The following SLC9A9 variants were observed in gnomAD, a reference collection of about 807,000 sequenced individuals.
SLC9A9 encodes the protein sodium/hydrogen exchanger 9.
In SLC9A9, 62 loss-of-function variants were observed where a neutral mutation model predicts 77.8. The observed-to-expected ratio is 0.80, with a 90% CI of 0.65 to 0.98. SLC9A9 has a LOEUF of 0.98. Among genes scored for constraint, SLC9A9 ranks in the 50% least tolerant of loss-of-function variants. SLC9A9 has a pLI of 0.00. For missense variants in SLC9A9, 775 were observed against 774.9 expected, an observed-to-expected ratio of 1.00 and a Z score of 0.00; for synonymous variants, 320 against 283.5, an observed-to-expected ratio of 1.13 and a Z score of -1.29.
rs577833118 is a variant in SLC9A9 at position 143,392,905 on chromosome 3, C to G, written c.1470-10791G>C. Among the ~76,000 whole-genome samples the G allele has an allele frequency of 2.0e-5, 3 of 152,082 alleles. No individual in the cohort carries two copies. The South Asian group carries it at 6.2e-4, about 32-fold the overall frequency. ...AATTCAACAACAAGAGCTAACTATCCTAAATATGCACCCAATACAGGAACA... is the reference window on the plus strand; with the variant it reads ...AATTCAACAACAAGAGCTAACTATCGTAAATATGCACCCAATACAGGAACA... On this transcript the variant is annotated intron_variant, in intron 12 of 15. Coordinates refer to ENST00000316549, the MANE Select transcript of SLC9A9 (RefSeq NM_173653.4).
At chr3:143,748,048 G>A (rs772488749) in intron 4 of SLC9A9, among the ~76,000 whole-genome samples, 14 of 152,230 alleles carry the variant, frequency 9.2e-5, no homozygotes, top group Non-Finnish European at 1.5e-4. Context: ...AGCAGCTAGA[G>A]ATCAGGGCAT....
chr3:143,522,704 C>G (rs1326337678), intron 9 of SLC9A9, among the ~76,000 whole-genome samples: 1 of 152,112 alleles, frequency 6.6e-6, no homozygotes, highest in African/African-American at 2.4e-5. Flanking sequence ...ACAGCCAGAC[C>G]TACTAAAGGC....
chr3:143,441,562 A>G (rs1011670289), intron 12 of SLC9A9, among the ~76,000 whole-genome samples: 2 of 152,190 alleles, frequency 1.3e-5, no homozygotes, highest in African/African-American at 2.4e-5. Context: ...TCAAGCATTT[A>G]GGACAACCTA....
At chr3:143,519,677 T>C (rs1164000834) in intron 9 of SLC9A9, among the ~76,000 whole-genome samples, 1 of 152,124 alleles carries the variant, frequency 6.6e-6, no homozygotes, top group Non-Finnish European at 1.5e-5. Context: ...GTTATTGTCA[T>C]AGTCCAAGTG....
chr3:143,718,333 G>A (rs1262680698), intron 4 of SLC9A9, among the ~76,000 whole-genome samples: 5 of 152,156 alleles, frequency 3.3e-5, no homozygotes, highest in African/African-American at 1.2e-4. Context: ...CCCACACACA[G>A]GATTTTGAGA....
intron 9 of SLC9A9, among the ~76,000 whole-genome samples, chr3:143,501,736 A>G (rs2035926962): frequency 6.6e-6 from 1 of 150,972 alleles, no homozygotes; most frequent in South Asian, 2.1e-4. Context: ...TTGTCTATTT[A>G]TATCACGTAA....
intron 14 of SLC9A9, among the ~76,000 whole-genome samples, chr3:143,339,712 G>GA (rs543717236): frequency 6.6e-6 from 1 of 152,118 alleles, no homozygotes; most frequent in Non-Finnish European, 1.5e-5. Context: ...CTATACTCTG[G>GA]AATACTCAAT....
intron 12 of SLC9A9, among the ~76,000 whole-genome samples, chr3:143,436,327 G>T (rs1480942724): frequency 6.6e-6 from 1 of 152,326 alleles, no homozygotes; most frequent in East Asian, 1.9e-4. Context: ...TGAGCCAGAC[G>T]TTGACGGTGA....
chr3:143,361,441 T>G (rs2108482606), intron 14 of SLC9A9, among the ~76,000 whole-genome samples: 1 of 152,302 alleles, frequency 6.6e-6, no homozygotes, highest in East Asian at 1.9e-4. Flanking sequence ...ACACATTGCC[T>G]GGGTTCTGGG....
At chr3:143,513,656 C>A (rs1387755534) in intron 9 of SLC9A9, among the ~76,000 whole-genome samples, 1 of 152,150 alleles carries the variant, frequency 6.6e-6, no homozygotes, top group Non-Finnish European at 1.5e-5. Context: ...CTTTCCATGG[C>A]AGCTATAGCC....
At chr3:143,688,464 G>A (rs1286839144) in intron 5 of SLC9A9, among the ~76,000 whole-genome samples, 2 of 152,084 alleles carry the variant, frequency 1.3e-5, no homozygotes, top group Admixed American at 6.6e-5. Flanking sequence ...TGTGTGCAAA[G>A]GTGATGCAAA....
At chr3:143,660,368 G>A (rs1197956584) in intron 5 of SLC9A9, among the ~76,000 whole-genome samples, 4 of 152,226 alleles carry the variant, frequency 2.6e-5, no homozygotes, top group African/African-American at 9.6e-5. Flanking sequence ...GAGCCAGAGA[G>A]AGAAAAACCT....
intron 14 of SLC9A9, among the ~76,000 whole-genome samples, chr3:143,329,990 C>G (rs2031718105): frequency 6.6e-6 from 1 of 152,090 alleles, no homozygotes; most frequent in Non-Finnish European, 1.5e-5. Flanking sequence ...AATCTTCAAA[C>G]TACTGGAAAA....
chr3:143,759,215 C>T (rs971160218), intron 4 of SLC9A9, among the ~76,000 whole-genome samples: 1 of 152,054 alleles, frequency 6.6e-6, no homozygotes, highest in Non-Finnish European at 1.5e-5. Flanking sequence ...GATGACAGAC[C>T]TCTTGAGAGC....
At chr3:143,622,264 A>T (rs2038230646) in intron 6 of SLC9A9, among the ~76,000 whole-genome samples, 1 of 152,204 alleles carries the variant, frequency 6.6e-6, no homozygotes, top group South Asian at 2.1e-4. Flanking sequence ...AATACAGAGA[A>T]CGCCACAAAG....
At chr3:143,556,218 C>G (rs2036978242) in intron 8 of SLC9A9, among the ~76,000 whole-genome samples, 1 of 152,198 alleles carries the variant, frequency 6.6e-6, no homozygotes, top group Non-Finnish European at 1.5e-5. Flanking sequence ...TTCTCTTAAA[C>G]TCTATGAACC....
At chr3:143,558,617 G>C (rs1399178132) in intron 8 of SLC9A9, among the ~76,000 whole-genome samples, 1 of 152,168 alleles carries the variant, frequency 6.6e-6, no homozygotes, top group East Asian at 1.9e-4. Flanking sequence ...CATGGGGCCT[G>C]TACCTCCTTT....
At chr3:143,725,830 T>C (rs1193430492) in intron 4 of SLC9A9, among the ~76,000 whole-genome samples, 3 of 151,162 alleles carry the variant, frequency 2.0e-5, no homozygotes, top group African/African-American at 7.3e-5. Context: ...GGCACATGTA[T>C]ACATATGTAA....
At chr3:143,437,564 T>A (rs1044015222) in intron 12 of SLC9A9, among the ~76,000 whole-genome samples, 1 of 152,242 alleles carries the variant, frequency 6.6e-6, no homozygotes, top group Non-Finnish European at 1.5e-5. Flanking sequence ...TGATATCTAC[T>A]AGAAGAACGT....
Sources: gnomAD v4.1 joint callset for allele counts (sites outside exome capture counted in the v4.1 genomes callset) on GRCh38, gnomAD v4.1.1 for gene constraint, MANE v1.5 for transcripts, NCBI Gene and HGNC (gene_info 2026-07-23, HGNC 2026-07-21) for gene names.